NUP85: variants seen among roughly 807,000 people sequenced by gnomAD.
The protein encoded by NUP85 is nucleoporin 85.
In NUP85, 23 loss-of-function variants were observed where a neutral mutation model predicts 92.8. The ratio of observed to expected loss-of-function variants is 0.25; its 90% CI spans 0.18 to 0.35. The LOEUF (loss-of-function observed/expected upper bound fraction) is 0.35, where lower values mean the gene tolerates loss of function less well. Among genes scored for constraint, NUP85 ranks in the 10% least tolerant of loss-of-function variants. NUP85 has a pLI of 1.00. For synonymous variants in NUP85, 314 were observed against 306.9 expected (o/e 1.02, Z -0.24); for missense variants, 759 against 822.8 (o/e 0.92, Z 0.95).
intron 6 of NUP85, among the ~76,000 whole-genome samples, chr17:75,217,175 C>A (rs1347522262): frequency 6.6e-6 from 1 of 151,746 alleles, no homozygotes; most frequent in Non-Finnish European, 1.5e-5. Flanking sequence ...ATCCTCCTGC[C>A]CAGCCTCCCA....
At position 75,233,121 on chromosome 17, in the gene NUP85, G is replaced by A. The variant is rs777590322; in HGVS notation, c.1578G>A (p.Gly526=). The A allele has an allele frequency of 6.2e-6, 10 of 1,614,040 alleles. No homozygotes were observed. Among genetic ancestry groups the A allele is most frequent in the Admixed American group, 1.7e-5 (1 of 59,992 alleles). Residue 526 remains glycine (G), a synonymous_variant, in exon 16 of 19, where the codon GGG becomes GGA. Coordinates refer to ENST00000245544, the MANE Select transcript of NUP85 (RefSeq NM_024844.5). ...FSDLDLIDNL[G]PAMMLSDRLT... is the part of the protein sequence containing the mutation. ...ATTTGGATCTCATTGACAACCTGGG[G>A]CCAGCCATGATGCTCAGTGACCGAC...
chr17:75,210,502 T>C (rs1192287496), intron 3 of NUP85, among the ~76,000 whole-genome samples: 2 of 152,212 alleles, frequency 1.3e-5, no homozygotes, highest in Non-Finnish European at 2.9e-5. Flanking sequence ...AAAATCTCCG[T>C]GGTTGGATCT....
intron 6 of NUP85, 142 bp downstream of exon 6, chr17:75,215,965 A>G (rs1402183136): frequency 2.7e-6 from 2 of 746,116 alleles, no homozygotes; most frequent in African/African-American, 3.5e-5. Context: ...AAGTCGTTAG[A>G]AAACACCCAA....
intron 1 of NUP85, among the ~76,000 whole-genome samples, chr17:75,206,746 G>A (rs2075093584): frequency 1.3e-5 from 2 of 151,964 alleles, no homozygotes; most frequent in African/African-American, 4.8e-5. Context: ...CTCCCAGGCT[G>A]GAGTGCAGTG....
intron 11 of NUP85, 73 bp downstream of exon 11, chr17:75,226,230 G>A: frequency 8.0e-7 from 1 of 1,252,662 alleles, no homozygotes; most frequent in Non-Finnish European, 1.2e-6. Flanking sequence ...TTTCTAGAGT[G>A]GCCTGTTCCT....
At chr17:75,232,622 C>T (rs533767765) in intron 14 of NUP85, among the ~76,000 whole-genome samples, 3 of 152,266 alleles carry the variant, frequency 2.0e-5, no homozygotes, top group South Asian at 2.1e-4. Flanking sequence ...CTTGAAGCCA[C>T]ACACACTCAT....
At position 75,235,148 on chromosome 17, in the gene NUP85, G is replaced by A. The variant is rs761830415; in HGVS notation, c.1816G>A (p.Asp606Asn). Residue 606 changes from aspartate (D) to asparagine (N), a missense_variant, in exon 18 of 19, where the codon GAC becomes AAC. Asp to Asn is a conservative substitution (Grantham distance 23, BLOSUM62 1). Transcript: ENST00000245544. ...QTYELMRCLEDLTSRRPVHGE... is the reference protein window; with the variant it reads ...QTYELMRCLENLTSRRPVHGE... ...TTATGAGTTGATGCGGTGTCTGGAG[G>A]ACTTGACGTCAAGAAGACCTGTGCA... is the stretch of plus-strand genomic sequence containing the variant. 6.2e-7 allele frequency: 1 copy of A among 1,614,024 alleles called. No individual in the cohort carries two copies. Among genetic ancestry groups the A allele is most frequent in the African/African-American group, 1.3e-5 (1 of 74,924 alleles).
intron 7 of NUP85, 88 bp downstream of exon 7, chr17:75,218,394 CAGCAGTAGGCTGGCTTTT>C (rs2075494967): frequency 1.9e-6 from 3 of 1,540,256 alleles, no homozygotes; most frequent in African/African-American, 2.7e-5. Flanking sequence ...ACTGAGCCTC[CAGCAGTAGGCTGGCTTTT>C]GGAGTCTGTT....
At chr17:75,208,188 C>CT (rs1286363926) in intron 1 of NUP85, 8 of 236,344 alleles carry the variant, frequency 3.4e-5, no homozygotes, top group Non-Finnish European at 6.5e-5. Context: ...GTAGTCCTAG[C>CT]ACTTTGGGAG....
rs73354484 is a variant in NUP85, at chr17:75,228,284, A to T, written c.1094+2127A>T. 6.1e-3 allele frequency: 6,027 copies of T among 985,324 alleles called. 256 individuals carry two copies. The African/African-American group carries it at 0.093, about 15-fold the overall frequency. 61.0% of individuals were successfully genotyped at this position (985,324 alleles called of 1,614,324 possible). On this transcript the variant is annotated intron_variant, in intron 11 of 18. Transcript: ENST00000245544. ...GAAGTACCATGAAGAGGGGTGAACA[A>T]CATCACTCTCGTGCCGGACACAGAC...
intron 7 of NUP85, among the ~76,000 whole-genome samples, chr17:75,222,658 A>G (rs561704510): frequency 5.9e-5 from 9 of 152,030 alleles, no homozygotes; most frequent in African/African-American, 1.9e-4. Context: ...ATTTTGTTCA[A>G]CCAATCAATA....
At chr17:75,213,859 C>G (rs1297726685) in intron 5 of NUP85, among the ~76,000 whole-genome samples, 1 of 137,062 alleles carries the variant, frequency 7.3e-6, no homozygotes. Flanking sequence ...TGGCAAAACT[C>G]AAGTTTTTTT....
At chr17:75,234,029 T>G in intron 16 of NUP85, among the ~76,000 whole-genome samples, 1 of 147,488 alleles carries the variant, frequency 6.8e-6, no homozygotes, top group Non-Finnish European at 1.5e-5. Flanking sequence ...CTACTGTGCC[T>G]GGCCAGTGCC....
At chr17:75,233,705 TCTC>T (rs2076195722) in intron 16 of NUP85, among the ~76,000 whole-genome samples, 1 of 151,988 alleles carries the variant, frequency 6.6e-6, no homozygotes, top group Non-Finnish European at 1.5e-5. Flanking sequence ...TCCAAGCAAT[TCTC>T]CTGCCTCAGC....
chr17:75,210,953 G>A (rs759232351), intron 3 of NUP85, among the ~76,000 whole-genome samples: 3 of 150,786 alleles, frequency 2.0e-5, no homozygotes, highest in African/African-American at 4.9e-5. Context: ...CACCTGCTTC[G>A]GCCTCCCAAA....
intron 11 of NUP85, chr17:75,228,524 T>G: frequency 1.0e-6 from 1 of 985,378 alleles, no homozygotes; most frequent in Non-Finnish European, 1.2e-6. Flanking sequence ...AGTAGCAGTT[T>G]TAGGAAGTGT....
chr17:75,214,010 A>G lies in NUP85; in HGVS notation c.405+891A>G, dbSNP rs547169993. Among the ~76,000 whole-genome samples, 8 of 149,988 alleles carry G rather than the reference A, an allele frequency of 5.3e-5. No homozygotes were observed. In the South Asian group the frequency reaches 1.7e-3, roughly 32 times the overall value. ...CCTCAGCCTCCCGAGTAGCTGGGCT[A>G]ATTTTTTGTATTTTTAGTAGAGAGG... On this transcript the variant is annotated intron_variant, in intron 5 of 18. Transcript: ENST00000245544.
Position 75,234,050 on chromosome 17 carries a change from TTC to T in NUP85, c.1616-585_1616-584del, listed in dbSNP as rs947880357. 1.5e-3 allele frequency among the ~76,000 whole-genome samples: 105 copies of T among 69,074 alleles called. 1 individual carries two copies. In the East Asian group the frequency reaches 0.039, roughly 26 times the overall value. 45.3% of individuals were successfully genotyped at this position (69,074 alleles called of 152,430 possible). ...TGCCTGGCCAGTGCCTCCATGTTTC[TTC>T]TTTTTTTTTTTTTTTTTGAGACGGA... is the stretch of plus-strand genomic sequence containing the variant. On this transcript the variant is annotated intron_variant, in intron 16 of 18. Transcript: ENST00000245544.
intron 1 of NUP85, 142 bp downstream of exon 1, chr17:75,205,936 C>G: frequency 7.1e-6 from 7 of 983,036 alleles, no homozygotes; most frequent in South Asian, 1.5e-5. Context: ...TTCCGGAGGT[C>G]GCAGTGTTAA....
Sources: gnomAD v4.1 joint callset for allele counts (sites outside exome capture counted in the v4.1 genomes callset) on GRCh38, gnomAD v4.1.1 for gene constraint, MANE v1.5 for transcripts, NCBI Gene and HGNC (gene_info 2026-07-23, HGNC 2026-07-21) for gene names.